Variants in PRMT2 observed in about 807,000 individuals in gnomAD.
The protein encoded by PRMT2 is protein arginine N-methyltransferase 2.
PRMT2 carries 26 observed loss-of-function variants against 57.6 expected under a neutral mutation model. The observed-to-expected ratio is 0.45, with a 90% CI of 0.33 to 0.63. The LOEUF (loss-of-function observed/expected upper bound fraction) is 0.63. PRMT2 is among the 20% of genes least tolerant of loss of function. The pLI, the probability that PRMT2 is intolerant of heterozygous loss-of-function variation, is 0.02. For synonymous variants in PRMT2, 219 were observed against 220.0 expected, an observed-to-expected ratio of 1.00 and a Z score of 0.04; for missense variants, 472 against 564.4, an observed-to-expected ratio of 0.84 and a Z score of 1.66.
chr21:46,646,828 A>G (rs2061372713), intron 5 of PRMT2, among the ~76,000 whole-genome samples: 3 of 152,206 alleles, frequency 2.0e-5, no homozygotes, highest in Admixed American at 6.5e-5. Context: ...TGCTGTAACA[A>G]AATACCTTAG....
chr21:46,648,837 G>A lies in PRMT2; in HGVS notation c.489+218G>A, dbSNP rs961066502. 9.2e-5 allele frequency among the ~76,000 whole-genome samples: 14 copies of A among 152,214 alleles called. No individual in the cohort carries two copies. The highest frequency in any genetic ancestry group is 3.4e-4 in the African/African-American group (14 of 41,462). On this transcript the variant is annotated intron_variant, in intron 6 of 11. Coordinates refer to ENST00000355680, the MANE Select transcript of PRMT2 (RefSeq NM_206962.4). The surrounding 1 kb of genome is among the most constrained non-coding windows in gnomAD (Gnocchi z 4.8). Reference sequence around the variant, plus strand: ...CCGTGGCGCCCGCGTACAATGAGTCGCAGACAGCACAGACGGGAGTAGGGC... The same window carrying A: ...CCGTGGCGCCCGCGTACAATGAGTCACAGACAGCACAGACGGGAGTAGGGC...
intron 7 of PRMT2, chr21:46,652,603 G>T (rs2061477108): frequency 9.1e-6 from 9 of 985,302 alleles, no homozygotes; most frequent in Non-Finnish European, 1.1e-5. Flanking sequence ...TGCTGAGGTT[G>T]TGGGGAAGTG....
At chr21:46,642,501 GCTGT>G in intron 3 of PRMT2, among the ~76,000 whole-genome samples, 1 of 152,222 alleles carries the variant, frequency 6.6e-6, no homozygotes, top group Non-Finnish European at 1.5e-5. Context: ...ACACCAATGT[GCTGT>G]CTGTTATTAT....
At chr21:46,637,133 AT>A in intron 3 of PRMT2, 143 bp downstream of exon 3, 1 of 736,976 alleles carries the variant, frequency 1.4e-6, no homozygotes, top group Non-Finnish European at 2.2e-6. Context: ...AAATGTGAAG[AT>A]TGTGAGGCAG....
chr21:46,659,436 TC>T, intron 8 of PRMT2: 1 of 985,424 alleles, frequency 1.0e-6, no homozygotes, highest in East Asian at 1.1e-4. Flanking sequence ...ATTAGAGAAA[TC>T]ACGTGCTGTC....
chr21:46,638,070 G>C (rs1190740419), intron 3 of PRMT2, among the ~76,000 whole-genome samples: 1 of 152,152 alleles, frequency 6.6e-6, no homozygotes, highest in Non-Finnish European at 1.5e-5. Flanking sequence ...TCATGAGTCT[G>C]TTTTGTGCCA....
At chr21:46,642,466 C>CT (rs1206204469) in intron 3 of PRMT2, among the ~76,000 whole-genome samples, 4 of 152,210 alleles carry the variant, frequency 2.6e-5, no homozygotes, top group Non-Finnish European at 5.9e-5. Flanking sequence ...TACGTGTCCA[C>CT]TTTTTTAAAA....
chr21:46,643,428 AC>A, intron 3 of PRMT2, 106 bp from the exon 4 acceptor site: 1 of 1,365,392 alleles, frequency 7.3e-7, no homozygotes, highest in Non-Finnish European at 9.5e-7. Flanking sequence ...AAATACTTGG[AC>A]ACATGAATCT....
intron 7 of PRMT2, 61 bp from the exon 8 acceptor site, chr21:46,658,684 G>A: frequency 6.3e-7 from 1 of 1,584,904 alleles, no homozygotes; most frequent in Admixed American, 1.7e-5. Context: ...GTGGTGGTGA[G>A]AGGCCTGTGC....
chr21:46,663,625 A>G (rs1370118201), intron 11 of PRMT2, 71 bp downstream of exon 11: 2 of 1,509,802 alleles, frequency 1.3e-6, no homozygotes, highest in Non-Finnish European at 1.8e-6. Flanking sequence ...GGGTGGTGGT[A>G]GTGATGGCAG....
At chr21:46,652,450 G>A in intron 7 of PRMT2, 1 of 1,044,614 alleles carries the variant, frequency 9.6e-7, no homozygotes, top group Non-Finnish European at 1.2e-6. Flanking sequence ...CTCATGGAAG[G>A]TGAGCAGGGA....
rs187440868 is a variant in PRMT2, at chr21:46,664,501, C to A, written c.*174C>A. 72 of 804,354 alleles carry A rather than the reference C, an allele frequency of 9.0e-5. No individual in the cohort carries two copies. The African/African-American group carries it at 1.1e-3, about 13-fold the overall frequency. The allele number at this position is 804,354 out of a possible 1,614,324, so 49.8% of individuals were successfully genotyped here. ...TCAGGGTCCTTCACAGACAAACACG[C>A]TTGGGCTCGGCAGGAGCTGCCGTGG... On this transcript the variant is annotated 3_prime_UTR_variant, in exon 12 of 12. Coordinates refer to ENST00000355680, the MANE Select transcript of PRMT2 (RefSeq NM_206962.4).
At chr21:46,637,129 G>A (rs1454190091) in intron 3 of PRMT2, 139 bp downstream of exon 3, 87 of 760,746 alleles carry the variant, frequency 1.1e-4, no homozygotes, top group South Asian at 4.4e-4. Context: ...GCTTAAATGT[G>A]AAGATTGTGA....
At chr21:46,651,580 G>A (rs1021362320) in intron 7 of PRMT2, among the ~76,000 whole-genome samples, 23 of 152,114 alleles carry the variant, frequency 1.5e-4, no homozygotes, top group Non-Finnish European at 2.8e-4. Flanking sequence ...GAGCTTTGCA[G>A]GTGAGGGCTT....
chr21:46,658,555 C>G (rs1483746077), intron 7 of PRMT2, 190 bp from the exon 8 acceptor site: 1 of 952,060 alleles, frequency 1.1e-6, no homozygotes, highest in East Asian at 2.9e-5. Context: ...CTGTGAGATG[C>G]ATCAGTGACG....
intron 9 of PRMT2, 159 bp from the exon 10 acceptor site, chr21:46,661,641 C>T (rs1350014544): frequency 1.1e-5 from 7 of 622,088 alleles, no homozygotes; most frequent in Admixed American, 4.4e-5. Flanking sequence ...TCTGAACTCA[C>T]GATGCGGGTT....
intron 4 of PRMT2, 152 bp downstream of exon 4, chr21:46,643,791 C>A (rs2061321409): frequency 2.9e-6 from 3 of 1,025,280 alleles, no homozygotes; most frequent in Non-Finnish European, 2.7e-6. Context: ...CACAGCCCAG[C>A]CAGTTCTGCC....
At chr21:46,637,692 C>G (rs187454640) in intron 3 of PRMT2, among the ~76,000 whole-genome samples, 2 of 152,066 alleles carry the variant, frequency 1.3e-5, no homozygotes, top group Admixed American at 1.3e-4. Flanking sequence ...AATATTAGGA[C>G]ATTTCCAGAA....
At chr21:46,659,791 G>T (rs1180825365) in intron 8 of PRMT2, 1 of 985,338 alleles carries the variant, frequency 1.0e-6, no homozygotes, top group Non-Finnish European at 1.2e-6. Context: ...AGAGGAACGT[G>T]ATTGAATTGC....
Sources: allele counts gnomAD v4.1 joint callset (sites outside exome capture counted in the v4.1 genomes callset), GRCh38; gene constraint gnomAD v4.1.1; non-coding constraint Gnocchi (gnomAD v3.1); transcripts MANE v1.5; gene names NCBI Gene and HGNC (gene_info 2026-07-23, HGNC 2026-07-21).